ADAMTS17: variants seen among roughly 807,000 people sequenced by gnomAD.
The protein encoded by ADAMTS17 is ADAM metallopeptidase with thrombospondin type 1 motif 17, also known as A disintegrin and metalloproteinase with thrombospondin motifs 17.
A neutral mutation model predicts 141.5 loss-of-function variants in ADAMTS17; 113 were observed. The ratio of observed to expected loss-of-function variants is 0.80; its 90% CI spans 0.69 to 0.93. The LOEUF (loss-of-function observed/expected upper bound fraction) is 0.93, where lower values mean the gene tolerates loss of function less well. Ranked by LOEUF, ADAMTS17 falls within the 40% of genes least tolerant of loss-of-function variation. The pLI is 0.00. For synonymous variants in ADAMTS17, 768 were observed against 630.6 expected (o/e 1.22, Z -3.27); for missense variants, 1,659 against 1,517.9 (o/e 1.09, Z -1.54).
chr15:100,254,157 C>T lies in ADAMTS17; in HGVS notation c.1054G>A (p.Asp352Asn), dbSNP rs768495202. The T allele has an allele frequency of 1.9e-6, 3 of 1,613,498 alleles. No individual in the cohort carries two copies. The highest frequency in any genetic ancestry group is 2.5e-6 in the Non-Finnish European group (3 of 1,179,468). Residue 352 changes from aspartate (D) to asparagine (N), a missense_variant, in exon 7 of 22, where the codon GAT (aspartate) becomes AAT (asparagine). By Grantham distance (23) the Asp-to-Asn change is conservative. Coordinates refer to ENST00000268070, the MANE Select transcript of ADAMTS17 (RefSeq NM_139057.4). The stretch of plus-strand genomic sequence containing the variant: ...TTACCAACAGTGTCACACGGTTCAT[C>T]CTTGTGTACACAGAAATCTGTCCTA... ...VTRTDFCVHK[D>N]EPCDTVGIAY...
chr15:100,078,244 G>A (rs1247867908), intron 15 of ADAMTS17, among the ~76,000 whole-genome samples: 1 of 148,270 alleles, frequency 6.7e-6, no homozygotes, highest in Non-Finnish European at 1.5e-5. Flanking sequence ...AAAATGACAA[G>A]CTGTTCCTAA....
intron 18 of ADAMTS17, among the ~76,000 whole-genome samples, chr15:100,031,073 A>G (rs577623857): frequency 3.3e-5 from 5 of 152,194 alleles, no homozygotes; most frequent in African/African-American, 9.7e-5. Context: ...CAAGACTTCT[A>G]TGACAGATGT....
chr15:100,068,176 A>G (rs1247052347), intron 15 of ADAMTS17, among the ~76,000 whole-genome samples: 1 of 152,140 alleles, frequency 6.6e-6, no homozygotes, highest in Non-Finnish European at 1.5e-5. Context: ...GTCTGAGATC[A>G]AACTGCAAGG....
At chr15:100,152,977 G>GAATACGTGCCTGGGGT (rs2039257381) in intron 9 of ADAMTS17, among the ~76,000 whole-genome samples, 1 of 152,198 alleles carries the variant, frequency 6.6e-6, no homozygotes, top group African/African-American at 2.4e-5. Context: ...CGCTCTGAAG[G>GAATACGTGCCTGGGGT]TAGTAAGAAC....
chr15:100,319,301 C>T (rs1159573662), intron 3 of ADAMTS17, among the ~76,000 whole-genome samples: 5 of 152,186 alleles, frequency 3.3e-5, no homozygotes, highest in Admixed American at 6.5e-5. Context: ...GAAAGTCCTG[C>T]CATTAGAAAT....
chr15:100,210,126 G>C (rs140338737), intron 7 of ADAMTS17, among the ~76,000 whole-genome samples: 60 of 151,044 alleles, frequency 4.0e-4, no homozygotes, highest in African/African-American at 1.3e-3. Context: ...AGCCACTCAG[G>C]AGGCTGAGGC....
intron 15 of ADAMTS17, among the ~76,000 whole-genome samples, chr15:100,058,066 CCT>C (rs1029713704): frequency 1.3e-5 from 2 of 151,690 alleles, no homozygotes; most frequent in Admixed American, 1.3e-4. Flanking sequence ...GCTGAGTACC[CCT>C]GAGAGGCAGA....
chr15:100,320,388 CAG>C lies in ADAMTS17; in HGVS notation c.616+10499_616+10500del, dbSNP rs1241791230. ...TGCAGAACCCAACAACAGTCCTGCA[CAG>C]AGAGAAGGCAGAGCATTACACAGAA... On this transcript the variant is annotated intron_variant, in intron 3 of 21. Transcript: ENST00000268070. Among the ~76,000 whole-genome samples the C allele has an allele frequency of 2.6e-5, 4 of 152,134 alleles. 1 individual carries two copies. The highest frequency in any genetic ancestry group is 9.7e-5 in the African/African-American group (4 of 41,406).
chr15:100,026,587 T>C (rs2061519462), intron 18 of ADAMTS17, among the ~76,000 whole-genome samples: 1 of 152,260 alleles, frequency 6.6e-6, no homozygotes, highest in Admixed American at 6.5e-5. Flanking sequence ...CCTTATGCTA[T>C]CACACTTCAG....
chr15:100,161,554 T>G (rs1423474514), intron 8 of ADAMTS17, among the ~76,000 whole-genome samples: 2 of 152,222 alleles, frequency 1.3e-5, no homozygotes, highest in African/African-American at 4.8e-5. Context: ...TTATTGACTT[T>G]GCAGTAACTG....
chr15:100,012,178 C>A (rs772557936), intron 18 of ADAMTS17, among the ~76,000 whole-genome samples: 6 of 152,078 alleles, frequency 3.9e-5, no homozygotes, highest in Admixed American at 6.5e-5. Context: ...GTTTGTTGGC[C>A]TTTTGTATAT....
At chr15:100,323,532 T>C (rs1387084867) in intron 3 of ADAMTS17, among the ~76,000 whole-genome samples, 3 of 151,838 alleles carry the variant, frequency 2.0e-5, no homozygotes, top group East Asian at 1.9e-4. Flanking sequence ...AAATTAAATA[T>C]GAAGATAGTA....
intron 20 of ADAMTS17, among the ~76,000 whole-genome samples, chr15:99,981,489 G>T (rs1051027528): frequency 6.6e-6 from 1 of 152,178 alleles, no homozygotes; most frequent in African/African-American, 2.4e-5. Flanking sequence ...ACACAGCTGT[G>T]GGCTATGAGT....
intron 15 of ADAMTS17, among the ~76,000 whole-genome samples, chr15:100,088,285 A>T (rs186899599): frequency 2.1e-4 from 32 of 152,360 alleles, no homozygotes; most frequent in African/African-American, 7.7e-4. Flanking sequence ...TTTACAAGGG[A>T]TGTGAAGGAC....
At chr15:100,236,119 GCA>G (rs1360086172) in intron 7 of ADAMTS17, among the ~76,000 whole-genome samples, 2 of 152,010 alleles carry the variant, frequency 1.3e-5, no homozygotes, top group African/African-American at 2.4e-5. Context: ...CGCCAGAGTC[GCA>G]CAGACTCAGA....
Position 100,065,586 on chromosome 15 carries a change from A to C in ADAMTS17, c.2138-11532T>G, listed in dbSNP as rs573255654. On this transcript the variant is annotated intron_variant, in intron 15 of 21. Coordinates refer to ENST00000268070, the MANE Select transcript of ADAMTS17 (RefSeq NM_139057.4). The stretch of plus-strand genomic sequence containing the variant: ...AAAACCACATTGTATGCAAAATGCT[A>C]TTGCGGCATACTCGTGTAATTCATG... 2.4e-4 allele frequency among the ~76,000 whole-genome samples: 36 copies of C among 152,284 alleles called. 1 individual carries two copies. In the South Asian group the frequency reaches 7.5e-3, roughly 32 times the overall value.
chr15:100,173,738 A>G lies in ADAMTS17; in HGVS notation c.1182-18418T>C, dbSNP rs1223954890. On this transcript the variant is annotated intron_variant, in intron 8 of 21. Transcript: ENST00000268070. The stretch of plus-strand genomic sequence containing the variant: ...TGGCTATTACTGCTGGCTGCATGTG[A>G]GCATCACTTGGGAAACTTTTAACAC... Among the ~76,000 whole-genome samples the G allele has an allele frequency of 2.6e-5, 4 of 152,172 alleles. No homozygotes were observed. The East Asian group carries it at 7.7e-4, about 29-fold the overall frequency.
At chr15:99,986,145 C>T (rs2060581305) in intron 20 of ADAMTS17, among the ~76,000 whole-genome samples, 1 of 151,146 alleles carries the variant, frequency 6.6e-6, no homozygotes, top group South Asian at 2.1e-4. Flanking sequence ...GCAGGCAGGC[C>T]TTGCAGGGTG....
chr15:99,972,584 G>A lies in ADAMTS17; in HGVS notation c.*1818C>T, dbSNP rs2060233138. ...GGGCTTTGTGAAAATGGGAATTCAT[G>A]GGAGTCTGCTGGTGGCCAGGCCTGA... On this transcript the variant is annotated 3_prime_UTR_variant, in exon 22 of 22. Transcript: ENST00000268070. 1 of 152,214 alleles carries A rather than the reference G, an allele frequency of 6.6e-6. No homozygotes were observed. The highest frequency in any genetic ancestry group is 2.1e-4 in the South Asian group (1 of 4,826). 9.4% of individuals were successfully genotyped at this position (152,214 alleles called of 1,614,324 possible).
Sources: allele counts gnomAD v4.1 joint callset (sites outside exome capture counted in the v4.1 genomes callset), GRCh38; gene constraint gnomAD v4.1.1; transcripts MANE v1.5; gene names NCBI Gene and HGNC (gene_info 2026-07-23, HGNC 2026-07-21).